RBFOX3: variants seen among roughly 807,000 people sequenced by gnomAD.
RBFOX3 encodes the protein RNA binding fox-1 homolog 3.
RBFOX3 carries 17 observed loss-of-function variants against 48.7 expected under a neutral mutation model. The observed-to-expected ratio is 0.35, with a 90% CI of 0.24 to 0.52. The LOEUF is 0.52. RBFOX3 is among the 20% of genes least tolerant of loss of function. The pLI is 0.94. For synonymous variants in RBFOX3, 212 were observed against 209.5 expected (o/e 1.01, Z -0.10); for missense variants, 382 against 497.5 (o/e 0.77, Z 2.21).
Position 79,361,234 on chromosome 17 carries a change from C to T in RBFOX3, c.-174-53410G>A, listed in dbSNP as rs113024325. 8.5e-5 allele frequency among the ~76,000 whole-genome samples: 13 copies of T among 152,282 alleles called. No individual in the cohort carries two copies. The highest frequency in any genetic ancestry group is 2.2e-4 in the African/African-American group (9 of 41,548). On this transcript the variant is annotated intron_variant, in intron 2 of 14. Coordinates refer to ENST00000693108, the MANE Select transcript of RBFOX3 (RefSeq NM_001350451.2). The surrounding 1 kb of genome is among the most constrained non-coding windows in gnomAD (Gnocchi z 4.5). ...ATTTCTCCTGGACCAATCCCATCCT[C>T]GGCTTGCCACTGCCCGACCTGGCCT...
At chr17:79,596,809 C>T (rs1363401628) in intron 1 of RBFOX3, among the ~76,000 whole-genome samples, 3 of 152,202 alleles carry the variant, frequency 2.0e-5, no homozygotes, top group Non-Finnish European at 2.9e-5. Context: ...CAGGTGCTGA[C>T]ATCAGGCCCA....
chr17:79,521,429 C>G (rs1460187718), intron 1 of RBFOX3, among the ~76,000 whole-genome samples: 1 of 151,350 alleles, frequency 6.6e-6, no homozygotes, highest in East Asian at 1.9e-4. Flanking sequence ...GACTCACACT[C>G]TCATACACAC....
intron 2 of RBFOX3, among the ~76,000 whole-genome samples, chr17:79,318,485 A>G (rs2077858898): frequency 6.6e-6 from 1 of 152,140 alleles, no homozygotes; most frequent in Non-Finnish European, 1.5e-5. Context: ...CAGCCATACC[A>G]TAGTGGTGAG....
At chr17:79,229,230 CAAAAAAAAAAAAAAAAAAAAAA>C (rs59934894) in intron 4 of RBFOX3, among the ~76,000 whole-genome samples, 1 of 33,740 alleles carries the variant, frequency 3.0e-5, no homozygotes, top group African/African-American at 1.5e-4. Context: ...GAGACTCTGT[CAAAAAAAAAAAAAAAAAAAAAA>C]AAAAAAAAAA....
At chr17:79,367,126 G>C (rs1278916993) in intron 2 of RBFOX3, among the ~76,000 whole-genome samples, 2 of 151,936 alleles carry the variant, frequency 1.3e-5, no homozygotes, top group African/African-American at 4.8e-5. Context: ...CCCCAGGCCT[G>C]CATGTCACCT....
intron 1 of RBFOX3, among the ~76,000 whole-genome samples, chr17:79,577,536 C>T (rs997229776): frequency 2.0e-5 from 3 of 152,216 alleles, no homozygotes; most frequent in Admixed American, 2.0e-4. Flanking sequence ...TAATGACATA[C>T]GCGGGGACAA....
chr17:79,146,770 T>A (rs764745978), intron 4 of RBFOX3, among the ~76,000 whole-genome samples: 7 of 152,254 alleles, frequency 4.6e-5, no homozygotes, highest in Admixed American at 6.5e-5. Context: ...GTCACGTGGG[T>A]CTGCTGCTGG....
rs1025506580 is a variant in RBFOX3, at chr17:79,390,472, C to T, written c.-174-82648G>A. ...CCGGCGTGGAAATACAGTCTTTGCGCCACTGCTTTTTTTTTTTTTTTTTAG... is the reference window on the plus strand; with the variant it reads ...CCGGCGTGGAAATACAGTCTTTGCGTCACTGCTTTTTTTTTTTTTTTTTAG... On this transcript the variant is annotated intron_variant, in intron 2 of 14. Transcript: ENST00000693108. The surrounding 1 kb of genome is among the most constrained non-coding windows in gnomAD (Gnocchi z 4.2). Among the ~76,000 whole-genome samples the T allele has an allele frequency of 3.1e-4, 43 of 139,216 alleles. No individual in the cohort carries two copies. The highest frequency in any genetic ancestry group is 3.0e-3 in the Admixed American group (38 of 12,484). 91.3% of individuals were successfully genotyped at this position (139,216 alleles called of 152,430 possible). A position where few individuals can be genotyped will look rare whatever the true frequency, so the allele number is the denominator to read the frequency against.
chr17:79,399,349 A>G (rs561790316), intron 2 of RBFOX3, among the ~76,000 whole-genome samples: 1 of 152,358 alleles, frequency 6.6e-6, no homozygotes, highest in East Asian at 1.9e-4. Context: ...GCCCGCACAC[A>G]CACAGCTGGT....
At chr17:79,092,950 T>A (rs1258124917) in intron 14 of RBFOX3, among the ~76,000 whole-genome samples, 1 of 137,252 alleles carries the variant, frequency 7.3e-6, no homozygotes, top group African/African-American at 3.0e-5. Context: ...TCACTGTCCT[T>A]ATGCAGAGGG....
chr17:79,093,123 T>C (rs1269045503), intron 14 of RBFOX3, among the ~76,000 whole-genome samples: 1 of 152,112 alleles, frequency 6.6e-6, no homozygotes, highest in Non-Finnish European at 1.5e-5. Flanking sequence ...GGGCATAGTG[T>C]TCAGAGCCTT....
chr17:79,543,292 T>C (rs2089968845), intron 1 of RBFOX3, among the ~76,000 whole-genome samples: 1 of 152,162 alleles, frequency 6.6e-6, no homozygotes, highest in Admixed American at 6.5e-5. Flanking sequence ...TTGCTACATC[T>C]TCAGAGCTCT....
At position 79,556,811 on chromosome 17, in the gene RBFOX3, G is replaced by A. The variant is rs951910881; in HGVS notation, c.-320+54015C>T. Among the ~76,000 whole-genome samples, 25 of 152,286 alleles carry A rather than the reference G, an allele frequency of 1.6e-4. No individual in the cohort carries two copies. In the East Asian group the frequency reaches 4.1e-3, roughly 25 times the overall value. ...ACTTTCTGGAGGCACAGAGTCCACCGAAGGGGAGCGTGGGGAAGGGGACAG... is the reference window on the plus strand; with the variant it reads ...ACTTTCTGGAGGCACAGAGTCCACCAAAGGGGAGCGTGGGGAAGGGGACAG... On this transcript the variant is annotated intron_variant, in intron 1 of 14. Coordinates refer to ENST00000693108, the MANE Select transcript of RBFOX3 (RefSeq NM_001350451.2).
the RBFOX3 span, among the ~76,000 whole-genome samples, chr17:79,618,940 C>A: frequency 6.6e-6 from 1 of 152,172 alleles, no homozygotes; most frequent in Non-Finnish European, 1.5e-5. Flanking sequence ...GGAGATCACA[C>A]TCGCCCAGTC....
chr17:79,239,557 C>T (rs767281627), intron 3 of RBFOX3, among the ~76,000 whole-genome samples: 9 of 152,240 alleles, frequency 5.9e-5, no homozygotes, highest in Non-Finnish European at 8.8e-5. Context: ...GTCCACTCCA[C>T]ACTGCCCACT....
At chr17:79,335,364 A>C (rs2377402) in intron 2 of RBFOX3, among the ~76,000 whole-genome samples, 125,247 of 152,268 alleles carry the variant, frequency 0.82, 52,067 homozygotes, top group Non-Finnish European at 0.89. Context: ...ACATCATGTA[A>C]GTGTATGTAT....
chr17:79,174,564 TCA>T (rs751481749), intron 4 of RBFOX3, among the ~76,000 whole-genome samples: 3 of 151,338 alleles, frequency 2.0e-5, no homozygotes, highest in Non-Finnish European at 1.5e-5. Flanking sequence ...CAATGCACAC[TCA>T]CATGCACTCA....
chr17:79,434,298 A>G (rs1316714115), intron 2 of RBFOX3, among the ~76,000 whole-genome samples: 1 of 152,220 alleles, frequency 6.6e-6, no homozygotes, highest in Non-Finnish European at 1.5e-5. Context: ...TCACAAATAA[A>G]TTTTAGCAAG....
At chr17:79,466,380 C>A (rs2076318383) in intron 2 of RBFOX3, among the ~76,000 whole-genome samples, 1 of 152,172 alleles carries the variant, frequency 6.6e-6, no homozygotes, top group African/African-American at 2.4e-5. Context: ...GTGGGTGACC[C>A]AGGATGGAGA....
Sources: allele counts gnomAD v4.1 joint callset (sites outside exome capture counted in the v4.1 genomes callset), GRCh38; gene constraint gnomAD v4.1.1; non-coding constraint Gnocchi (gnomAD v3.1); transcripts MANE v1.5; gene names NCBI Gene and HGNC (gene_info 2026-07-23, HGNC 2026-07-21).